Variants in ROBO2 observed in about 807,000 individuals in gnomAD.
ROBO2 encodes roundabout guidance receptor 2.
ROBO2 carries 53 observed loss-of-function variants against 160.8 expected under a neutral mutation model. The ratio of observed to expected loss-of-function variants is 0.33; its 90% confidence interval spans 0.26 to 0.41. ROBO2 has a LOEUF of 0.41. Among genes scored for constraint, ROBO2 ranks in the 10% least tolerant of loss-of-function variants. The probability of loss-of-function intolerance (pLI) is 1.00; values close to 1 mark genes in which losing one functional copy is unlikely to be tolerated. For missense variants in ROBO2, 1,577 were observed against 1,722.4 expected (o/e 0.92, Z 1.49); for synonymous variants, 664 against 611.7 (o/e 1.09, Z -1.26).
At chr3:76,560,879 G>A (rs1487052664) in intron 2 of ROBO2, among the ~76,000 whole-genome samples, 3 of 144,816 alleles carry the variant, frequency 2.1e-5, no homozygotes, top group African/African-American at 7.7e-5. Flanking sequence ...GTATCATGAG[G>A]GTATCATGAG....
intron 23 of ROBO2, among the ~76,000 whole-genome samples, chr3:77,623,873 G>A (rs2094951223): frequency 6.6e-6 from 1 of 152,158 alleles, no homozygotes; most frequent in South Asian, 2.1e-4. Flanking sequence ...AGTCTGTGTA[G>A]TTCTTTTATT....
intron 2 of ROBO2, among the ~76,000 whole-genome samples, chr3:76,711,625 C>T (rs1414429266): frequency 1.3e-5 from 2 of 152,130 alleles, no homozygotes; most frequent in Non-Finnish European, 2.9e-5. Flanking sequence ...GAACGCCTAA[C>T]GTACAACAGA....
intron 2 of ROBO2, among the ~76,000 whole-genome samples, chr3:76,928,180 T>C (rs564014659): frequency 6.6e-6 from 1 of 151,966 alleles, no homozygotes; most frequent in Non-Finnish European, 1.5e-5. Flanking sequence ...TGGTCAGAGA[T>C]AGGTAACATT....
rs2083410718 is a variant in ROBO2, at chr3:76,551,382, C to T, written c.110-546632C>T. On this transcript the variant is annotated intron_variant, in intron 2 of 26. Coordinates refer to the ROBO2 transcript ENST00000487694. ...CTACCCACTTCAGGTCTCCTGAGAG[C>T]TGTTCTGTTGCTCAATGAAGCTCCT... 1.3e-5 allele frequency among the ~76,000 whole-genome samples: 2 copies of T among 152,158 alleles called. 1 individual carries two copies. Among genetic ancestry groups the T allele is most frequent in the African/African-American group, 4.8e-5 (2 of 41,422 alleles).
chr3:77,339,795 A>T (rs1295004527), intron 2 of ROBO2, among the ~76,000 whole-genome samples: 1 of 152,064 alleles, frequency 6.6e-6, no homozygotes, highest in South Asian at 2.1e-4. Flanking sequence ...CTAGCAAAAA[A>T]CATGCAGACA....
chr3:77,396,898 G>T lies in ROBO2; in HGVS notation c.389-80516G>T, dbSNP rs369009001. Among the ~76,000 whole-genome samples the T allele has an allele frequency of 1.8e-4, 28 of 152,160 alleles. No individual in the cohort carries two copies. In the South Asian group the frequency reaches 5.6e-3, roughly 30 times the overall value. On this transcript the variant is annotated intron_variant, in intron 2 of 25. Coordinates refer to ENST00000461745, the Ensembl canonical transcript of ROBO2. ...ACAATTATTGTTTTTCATTTGTGAGGTTAATAGAAACTTCATCCTTTGAGG... is the reference window on the plus strand; with the variant it reads ...ACAATTATTGTTTTTCATTTGTGAGTTTAATAGAAACTTCATCCTTTGAGG...
In ROBO2 at chr3:76,842,064, A is replaced by G. The variant is rs62261822; in HGVS notation, c.110-255950A>G. Among the ~76,000 whole-genome samples the G allele has an allele frequency of 9.2e-3, 1,402 of 152,346 alleles. 17 individuals carry two copies. Among genetic ancestry groups the G allele is most frequent in the Non-Finnish European group, 0.013 (914 of 68,036 alleles). ...GTTTGGAACATTCCACTAGAAATCC[A>G]TAAAAGGCAGGTTGCTTATTTTGCC... On this transcript the variant is annotated intron_variant, in intron 2 of 26. Transcript: ENST00000487694.
At position 77,101,136 on chromosome 3, in the gene ROBO2, G is replaced by A. The variant is rs181809668; in HGVS notation, c.388+2796G>A. Among the ~76,000 whole-genome samples, 338 of 152,326 alleles carry A rather than the reference G, an allele frequency of 2.2e-3. 4 individuals are homozygous for A. The highest frequency in any genetic ancestry group is 6.8e-3 in the Middle Eastern group (2 of 294). Reference sequence around the variant, plus strand: ...AGGTATGATGATTGAAGTCAGAGAGGCATTAAGTAGCTGTCAAATAATTCA... The same window carrying A: ...AGGTATGATGATTGAAGTCAGAGAGACATTAAGTAGCTGTCAAATAATTCA... On this transcript the variant is annotated intron_variant, in intron 2 of 25. Transcript: ENST00000461745.
intron 2 of ROBO2, among the ~76,000 whole-genome samples, chr3:77,116,809 G>A (rs1490311356): frequency 6.6e-6 from 1 of 152,164 alleles, no homozygotes; most frequent in African/African-American, 2.4e-5. Flanking sequence ...TGACCAGTCA[G>A]TGATTAAACA....
intron 2 of ROBO2, among the ~76,000 whole-genome samples, chr3:77,254,946 A>G (rs2153315659): frequency 6.6e-6 from 1 of 152,354 alleles, no homozygotes; most frequent in Middle Eastern, 3.4e-3. Flanking sequence ...TGTGTGTAAT[A>G]GGGGCAGGTT....
At chr3:76,073,626 A>G (rs1261070528) in intron 2 of ROBO2, among the ~76,000 whole-genome samples, 1 of 152,064 alleles carries the variant, frequency 6.6e-6, no homozygotes, top group Admixed American at 6.6e-5. Context: ...TAATAAGAAA[A>G]TTAAGCACAA....
chr3:77,358,277 T>C (rs909523880), intron 2 of ROBO2, among the ~76,000 whole-genome samples: 1 of 152,208 alleles, frequency 6.6e-6, no homozygotes, highest in African/African-American at 2.4e-5. Context: ...TCCCTCAACT[T>C]GCCGGGGTTA....
intron 2 of ROBO2, among the ~76,000 whole-genome samples, chr3:76,140,130 C>A (rs1164491526): frequency 6.6e-6 from 1 of 152,032 alleles, no homozygotes; most frequent in East Asian, 1.9e-4. Context: ...AGCTAGCATT[C>A]ATTAATCAAG....
chr3:76,088,165 A>G (rs773021949), intron 2 of ROBO2, among the ~76,000 whole-genome samples: 2 of 152,204 alleles, frequency 1.3e-5, no homozygotes, highest in Admixed American at 6.5e-5. Context: ...TCAATACTCC[A>G]AGAGCACATA....
chr3:76,875,246 C>T (rs990471738), intron 2 of ROBO2, among the ~76,000 whole-genome samples: 10 of 152,190 alleles, frequency 6.6e-5, no homozygotes, highest in Admixed American at 2.0e-4. Context: ...GAAAACCAAA[C>T]GTGCCAGTGC....
intron 2 of ROBO2, among the ~76,000 whole-genome samples, chr3:77,448,142 G>T (rs1028530932): frequency 4.6e-5 from 7 of 152,094 alleles, no homozygotes; most frequent in African/African-American, 1.2e-4. Context: ...CTTGCTTTGA[G>T]AAAAATAATG....
At chr3:75,941,824 A>G (rs1948068327) in intron 2 of ROBO2, among the ~76,000 whole-genome samples, 1 of 152,174 alleles carries the variant, frequency 6.6e-6, no homozygotes, top group African/African-American at 2.4e-5. Flanking sequence ...GCAAGTTCTC[A>G]AATTATGCCA....
intron 2 of ROBO2, among the ~76,000 whole-genome samples, chr3:76,275,759 T>C (rs942102021): frequency 1.1e-4 from 17 of 152,156 alleles, no homozygotes; most frequent in African/African-American, 4.1e-4. Flanking sequence ...TTTAACATTT[T>C]CAATACATAC....
At chr3:77,423,822 A>G (rs528101539) in intron 2 of ROBO2, among the ~76,000 whole-genome samples, 1 of 152,330 alleles carries the variant, frequency 6.6e-6, no homozygotes, top group Admixed American at 6.5e-5. Context: ...CTCCCAGGGT[A>G]ACGTTATGAC....
Sources: gnomAD v4.1 joint callset for allele counts (sites outside exome capture counted in the v4.1 genomes callset) on GRCh38, gnomAD v4.1.1 for gene constraint, MANE v1.5 for transcripts, NCBI Gene and HGNC (gene_info 2026-07-23, HGNC 2026-07-21) for gene names.